RASSF3: variants seen among roughly 807,000 people sequenced by gnomAD.
RASSF3 encodes ras association domain-containing protein 3.
Under a neutral mutation model 19.9 loss-of-function variants are expected in RASSF3, and 19 were observed. That is an observed-to-expected ratio of 0.96 (90% CI 0.67 to 1.40). The LOEUF (loss-of-function observed/expected upper bound fraction) is 1.40. RASSF3 is among the 40% of genes most tolerant of loss of function. RASSF3 has a pLI of 0.00. For synonymous variants in RASSF3, 110 were observed against 104.2 expected (o/e 1.06, Z -0.34); for missense variants, 306 against 289.8 (o/e 1.06, Z -0.41).
chr12:64,568,412 T>C (rs143335293), intron 2 of RASSF3, among the ~76,000 whole-genome samples: 593 of 152,336 alleles, frequency 3.9e-3, no homozygotes, highest in African/African-American at 0.013. Context: ...GAACCATTTG[T>C]TTGCCTTTCT....
chr12:64,528,257 A>C (rs1868632344), intron 1 of RASSF3, among the ~76,000 whole-genome samples: 2 of 152,230 alleles, frequency 1.3e-5, no homozygotes, highest in Non-Finnish European at 2.9e-5. Context: ...TGGGAGACAG[A>C]ACACAAGACC....
intron 1 of RASSF3, among the ~76,000 whole-genome samples, chr12:64,519,116 C>G (rs1868416709): frequency 6.6e-6 from 1 of 152,124 alleles, no homozygotes; most frequent in Admixed American, 6.6e-5. Flanking sequence ...TATATTAGCT[C>G]TGGACTGGTG....
At chr12:64,645,773 A>T (rs1328777588) in intron 1 of RASSF3, among the ~76,000 whole-genome samples, 1 of 152,204 alleles carries the variant, frequency 6.6e-6, no homozygotes, top group African/African-American at 2.4e-5. Context: ...TATACAATAA[A>T]ATGCACAAAT....
intron 2 of RASSF3, among the ~76,000 whole-genome samples, chr12:64,557,682 C>A (rs1443747334): frequency 6.6e-6 from 1 of 152,156 alleles, no homozygotes; most frequent in Non-Finnish European, 1.5e-5. Context: ...ACGGGGAACA[C>A]AGCACCACAG....
chr12:64,543,534 G>GC (rs1401040155), downstream of RASSF3, among the ~76,000 whole-genome samples: 8 of 63,410 alleles, frequency 1.3e-4, no homozygotes, highest in Non-Finnish European at 2.6e-4. Context: ...GCTCTCCCCC[G>GC]CCCCCCGCCG....
rs548538811 is a variant in RASSF3, at chr12:64,673,163, T to G, written c.112-11624T>G. 1.2e-4 allele frequency among the ~76,000 whole-genome samples: 18 copies of G among 152,356 alleles called. No homozygotes were observed. The South Asian group carries it at 3.5e-3, about 30-fold the overall frequency. Reference sequence around the variant, plus strand: ...TTGACCTTAATAAAAACTGGTTTTTTAAACCCAGCCAACCTGAATGAGTGG... The same window carrying G: ...TTGACCTTAATAAAAACTGGTTTTTGAAACCCAGCCAACCTGAATGAGTGG... On this transcript the variant is annotated intron_variant, in intron 1 of 4. Coordinates refer to ENST00000542104, the MANE Select transcript of RASSF3 (RefSeq NM_178169.4).
intron 2 of RASSF3, among the ~76,000 whole-genome samples, chr12:64,576,538 A>G (rs150134510): frequency 1.6e-3 from 249 of 152,314 alleles, no homozygotes; most frequent in African/African-American, 5.8e-3. Context: ...TAACTGATAC[A>G]TAGACCAGGG....
chr12:64,549,125 G>C (rs181635727), intron 2 of RASSF3, among the ~76,000 whole-genome samples: 1 of 152,200 alleles, frequency 6.6e-6, no homozygotes. Flanking sequence ...TGTTAGAAGA[G>C]ATACTGGAAA....
intron 1 of RASSF3, among the ~76,000 whole-genome samples, chr12:64,621,868 A>G (rs774055126): frequency 6.6e-6 from 1 of 152,208 alleles, no homozygotes; most frequent in Non-Finnish European, 1.5e-5. Context: ...TGGGAAAGGC[A>G]TTGCTAAGAA....
chr12:64,514,672 CAG>C (rs769117550), intron 1 of RASSF3, among the ~76,000 whole-genome samples: 1 of 152,088 alleles, frequency 6.6e-6, no homozygotes, highest in South Asian at 2.1e-4. Context: ...TTTTTTGTGT[CAG>C]AGTGACTTAG....
intron 2 of RASSF3, among the ~76,000 whole-genome samples, chr12:64,579,346 CTTTTTTTT>C (rs1265939630): frequency 8.5e-6 from 1 of 117,056 alleles, no homozygotes; most frequent in Non-Finnish European, 1.7e-5. Flanking sequence ...TAGCCAAGTT[CTTTTTTTT>C]TTTTTTTTTT....
At chr12:64,518,638 T>C (rs1192551849) in intron 1 of RASSF3, among the ~76,000 whole-genome samples, 1 of 152,206 alleles carries the variant, frequency 6.6e-6, no homozygotes, top group Non-Finnish European at 1.5e-5. Context: ...TCATAAAGGA[T>C]CTTGCGGCCA....
At chr12:64,535,929 C>T (rs1287706661) in intron 1 of RASSF3, among the ~76,000 whole-genome samples, 3 of 151,578 alleles carry the variant, frequency 2.0e-5, no homozygotes, top group Non-Finnish European at 2.9e-5. Flanking sequence ...TCAGGTGATC[C>T]GCCCACCCTG....
intron 1 of RASSF3, among the ~76,000 whole-genome samples, chr12:64,676,616 C>G (rs1177131301): frequency 6.6e-6 from 1 of 151,442 alleles, no homozygotes; most frequent in Non-Finnish European, 1.5e-5. Flanking sequence ...GGATTACAGG[C>G]TCACGTCACC....
At chr12:64,685,227 A>G (rs1873301449) in intron 2 of RASSF3, among the ~76,000 whole-genome samples, 1 of 152,046 alleles carries the variant, frequency 6.6e-6, no homozygotes, top group African/African-American at 2.4e-5. Flanking sequence ...AGATTCTAAG[A>G]AGACCTCAGG....
At chr12:64,508,072 C>CA (rs1477170928) in intron 1 of RASSF3, among the ~76,000 whole-genome samples, 1 of 152,142 alleles carries the variant, frequency 6.6e-6, no homozygotes, top group Non-Finnish European at 1.5e-5. Flanking sequence ...GCAACTGAAT[C>CA]AAAATTCTCA....
chr12:64,683,989 GGAGA>G (rs60696217), intron 1 of RASSF3, among the ~76,000 whole-genome samples: 115 of 121,254 alleles, frequency 9.5e-4, no homozygotes, highest in South Asian at 7.4e-3. Context: ...AGGGAGAGAA[GGAGA>G]GAGAGAGAGA....
intron 2 of RASSF3, among the ~76,000 whole-genome samples, chr12:64,554,636 G>A (rs4964091): frequency 0.63 from 95,837 of 152,006 alleles, 31,033 homozygotes; most frequent in Non-Finnish European, 0.71. Flanking sequence ...AGGGGAAAAG[G>A]ATCAGAGACT....
intron 1 of RASSF3, among the ~76,000 whole-genome samples, chr12:64,641,419 C>A (rs371266354): frequency 2.0e-5 from 3 of 150,664 alleles, no homozygotes; most frequent in Non-Finnish European, 4.4e-5. Flanking sequence ...CACACACGCG[C>A]GCGCGCGCGT....
Sources: gnomAD v4.1 joint callset for allele counts (sites outside exome capture counted in the v4.1 genomes callset) on GRCh38, gnomAD v4.1.1 for gene constraint, MANE v1.5 for transcripts, NCBI Gene and HGNC (gene_info 2026-07-23, HGNC 2026-07-21) for gene names.